The following ATXN1 variants were observed in gnomAD, a reference collection of about 807,000 sequenced individuals.
The protein encoded by ATXN1 is ataxin 1, also known as ataxin-1.
In ATXN1, 8 loss-of-function variants were observed where a neutral mutation model predicts 56.4. That is an observed-to-expected ratio of 0.14 (90% confidence interval 0.08 to 0.26). The LOEUF is 0.26. Among genes scored for constraint, ATXN1 ranks in the 10% least tolerant of loss-of-function variants. The pLI, the probability that ATXN1 is intolerant of heterozygous loss-of-function variation, is 1.00. For synonymous variants in ATXN1, 514 were observed against 494.6 expected, an observed-to-expected ratio of 1.04 and a Z score of -0.52; for missense variants, 987 against 1,106.5, an observed-to-expected ratio of 0.89 and a Z score of 1.53.
intron 4 of ATXN1, among the ~76,000 whole-genome samples, chr6:16,559,016 T>G (rs1352254187): frequency 1.3e-5 from 2 of 152,046 alleles, no homozygotes; most frequent in Admixed American, 6.6e-5. Flanking sequence ...AGGAACGGCT[T>G]TTAAACATAT....
At chr6:16,366,791 A>G (rs1218937139) in intron 6 of ATXN1, among the ~76,000 whole-genome samples, 2 of 151,860 alleles carry the variant, frequency 1.3e-5, no homozygotes, top group Non-Finnish European at 2.9e-5. Context: ...AAAAAAAAAA[A>G]AAAAGAAAAA....
intron 6 of ATXN1, among the ~76,000 whole-genome samples, chr6:16,341,695 A>G (rs1224075537): frequency 6.6e-6 from 1 of 150,560 alleles, no homozygotes; most frequent in Non-Finnish European, 1.5e-5. Flanking sequence ...ATTTTTTTGT[A>G]TTTTTAGTAG....
At chr6:16,456,440 C>G (rs150974327) in intron 6 of ATXN1, among the ~76,000 whole-genome samples, 2 of 152,194 alleles carry the variant, frequency 1.3e-5, no homozygotes, top group Non-Finnish European at 2.9e-5. Flanking sequence ...GGCTCACTAA[C>G]AACCCCCGAC....
chr6:16,643,998 A>T (rs1763756065), intron 3 of ATXN1, among the ~76,000 whole-genome samples: 1 of 152,218 alleles, frequency 6.6e-6, no homozygotes, highest in South Asian at 2.1e-4. Flanking sequence ...TATGGGCCAG[A>T]CATAAAAGGA....
chr6:16,308,658 T>G (rs928550648), intron 7 of ATXN1, among the ~76,000 whole-genome samples: 10 of 152,144 alleles, frequency 6.6e-5, no homozygotes, highest in African/African-American at 1.2e-4. Flanking sequence ...GAAGCTCAGA[T>G]TGACTCATCT....
At chr6:16,534,003 C>A (rs373883056) in intron 4 of ATXN1, among the ~76,000 whole-genome samples, 2 of 152,034 alleles carry the variant, frequency 1.3e-5, no homozygotes, top group African/African-American at 4.8e-5. Flanking sequence ...AAAATGATAT[C>A]GTTTTTTCCT....
intron 3 of ATXN1, among the ~76,000 whole-genome samples, chr6:16,612,893 A>AG (rs1264003023): frequency 6.6e-6 from 1 of 151,542 alleles, no homozygotes; most frequent in Non-Finnish European, 1.5e-5. Context: ...CTGTCTTAAA[A>AG]AAAAAAAAAA....
chr6:16,500,456 T>G (rs1760861078), intron 5 of ATXN1, among the ~76,000 whole-genome samples: 1 of 152,140 alleles, frequency 6.6e-6, no homozygotes, highest in Admixed American at 6.5e-5. Flanking sequence ...GCACCCATCT[T>G]GTGGAATGGG....
At chr6:16,623,056 TA>T in intron 3 of ATXN1, among the ~76,000 whole-genome samples, 1 of 152,372 alleles carries the variant, frequency 6.6e-6, no homozygotes, top group East Asian at 1.9e-4. Context: ...TTCATTGTTG[TA>T]TTGTGTTCTG....
chr6:16,557,318 C>A (rs1260268001), intron 4 of ATXN1, among the ~76,000 whole-genome samples: 1 of 119,704 alleles, frequency 8.4e-6, no homozygotes, highest in Non-Finnish European at 1.6e-5. Flanking sequence ...CAGAGTGAAA[C>A]CCCATTTCAA....
rs1164265392 is a variant in ATXN1, at chr6:16,584,419, T to C, written c.-361+1361A>G. Among the ~76,000 whole-genome samples the C allele has an allele frequency of 4.6e-5, 7 of 151,952 alleles. 1 individual carries two copies. The highest frequency in any genetic ancestry group is 2.6e-4 in the Admixed American group (4 of 15,226). ...GCTCTTTTTAAGAAATGAAAAATTA[T>C]GCTTTCCACTGAAAAATGATTGTAT... On this transcript the variant is annotated intron_variant, in intron 4 of 7. Transcript: ENST00000436367.
rs568254410 is a variant in ATXN1, at chr6:16,642,153, C to T, written c.-489+15623G>A. On this transcript the variant is annotated intron_variant, in intron 3 of 7. Transcript: ENST00000436367. ...TTGTAATCTCAGCACTTTGGGAGGC[C>T]GAGGCAGGGGAATCACAAGGTCCGG... 2.6e-5 allele frequency among the ~76,000 whole-genome samples: 4 copies of T among 152,138 alleles called. No individual in the cohort carries two copies. The East Asian group carries it at 7.7e-4, about 29-fold the overall frequency.
intron 2 of ATXN1, among the ~76,000 whole-genome samples, chr6:16,716,617 T>C (rs1759646890): frequency 6.6e-6 from 1 of 152,206 alleles, no homozygotes; most frequent in South Asian, 2.1e-4. Flanking sequence ...TGCAAAGGTA[T>C]AGACTACAGT....
Position 16,578,799 on chromosome 6 carries a change from T to G in ATXN1, c.-361+6981A>C, listed in dbSNP as rs564773630. Among the ~76,000 whole-genome samples, 6 of 152,026 alleles carry G rather than the reference T, an allele frequency of 3.9e-5. No individual in the cohort carries two copies. The South Asian group carries it at 1.2e-3, about 32-fold the overall frequency. On this transcript the variant is annotated intron_variant, in intron 4 of 7. Transcript: ENST00000436367. ...CAATGGGACATTAGATAAGCCCCCC[T>G]TTTTGGGGTGTGTGTAGGGGATTCT...
chr6:16,621,400 CA>C lies in ATXN1; in HGVS notation c.-488-35494del, dbSNP rs758276415. ...ACAGAAATAGCCCTAAAAGGAGACA[CA>C]ACTATTTATCAAAAAGGTGCATACA... On this transcript the variant is annotated intron_variant, in intron 3 of 7. Transcript: ENST00000436367. Among the ~76,000 whole-genome samples the C allele has an allele frequency of 5.4e-4, 82 of 152,252 alleles. 1 individual carries two copies. Among genetic ancestry groups the C allele is most frequent in the Non-Finnish European group, 5.9e-4 (40 of 68,020 alleles).
intron 4 of ATXN1, among the ~76,000 whole-genome samples, chr6:16,546,145 C>T (rs77898059): frequency 0.013 from 2,036 of 152,242 alleles, 45 homozygotes; most frequent in African/African-American, 0.045. Flanking sequence ...ATTTTAGAAG[C>T]AGAAGGTTTT....
intron 2 of ATXN1, among the ~76,000 whole-genome samples, chr6:16,662,766 C>A (rs1213382156): frequency 2.0e-5 from 3 of 152,212 alleles, no homozygotes; most frequent in Non-Finnish European, 4.4e-5. Context: ...AGAGCAACCT[C>A]AGTATGGTTC....
intron 2 of ATXN1, among the ~76,000 whole-genome samples, chr6:16,727,270 T>TA (rs1309471919): frequency 4.6e-5 from 7 of 152,152 alleles, no homozygotes; most frequent in African/African-American, 1.7e-4. Context: ...TTAAATATAA[T>TA]AAAAAAGCAA....
At chr6:16,587,863 A>G (rs564741191) in intron 3 of ATXN1, among the ~76,000 whole-genome samples, 6 of 151,934 alleles carry the variant, frequency 3.9e-5, no homozygotes, top group Admixed American at 6.6e-5. Context: ...CCTGGGAGGC[A>G]GAGGTTGCAG....
Sources: allele counts gnomAD v4.1 joint callset (sites outside exome capture counted in the v4.1 genomes callset), GRCh38; gene constraint gnomAD v4.1.1; transcripts MANE v1.5; gene names NCBI Gene and HGNC (gene_info 2026-07-23, HGNC 2026-07-21).